STRADA: variants seen among roughly 807,000 people sequenced by gnomAD.
The protein encoded by STRADA is STE20-related kinase adapter protein alpha.
A neutral mutation model predicts 55.0 loss-of-function variants in STRADA; 26 were observed. The ratio of observed to expected loss-of-function variants is 0.47; its 90% CI spans 0.35 to 0.66. STRADA has a LOEUF of 0.66. Ranked by LOEUF, STRADA falls within the 30% of genes least tolerant of loss-of-function variation. The probability of loss-of-function intolerance (pLI) is 0.01; values close to 1 mark genes in which losing one functional copy is unlikely to be tolerated. For synonymous variants in STRADA, 197 were observed against 210.9 expected (o/e 0.93, Z 0.57); for missense variants, 443 against 549.7 (o/e 0.81, Z 1.94).
chr17:63,731,668 G>A (rs2038065804), intron 1 of STRADA, among the ~76,000 whole-genome samples: 1 of 152,036 alleles, frequency 6.6e-6, no homozygotes, highest in South Asian at 2.1e-4. Context: ...AACATGATTA[G>A]AATGCATATT....
At chr17:63,704,309 C>A (rs1461900230) in intron 11 of STRADA, 32 bp downstream of exon 11, 1 of 1,609,302 alleles carries the variant, frequency 6.2e-7, no homozygotes, top group South Asian at 1.1e-5. Context: ...CCTCTGCTCT[C>A]CCGAAGCCCA....
rs201788114 is a variant in STRADA, at chr17:63,739,432, T to C, written c.-45+2309A>G. 8.5e-5 allele frequency among the ~76,000 whole-genome samples: 13 copies of C among 152,118 alleles called. No individual in the cohort carries two copies. In the East Asian group the frequency reaches 2.3e-3, roughly 27 times the overall value. ...GTCTCAAACTCCTGAACTCAAGCAA[T>C]CCTCCTGCATCAGCCTCCCAAAGTG... On this transcript the variant is annotated intron_variant, in intron 1 of 12. Transcript: ENST00000336174.
At position 63,732,122 on chromosome 17, in the gene STRADA, C is replaced by A. The variant is rs570382717; in HGVS notation, c.-44-3709G>T. 4.6e-5 allele frequency among the ~76,000 whole-genome samples: 7 copies of A among 152,278 alleles called. 1 individual carries two copies. The East Asian group carries it at 1.4e-3, about 29-fold the overall frequency. On this transcript the variant is annotated intron_variant, in intron 1 of 12. Coordinates refer to ENST00000336174, the MANE Select transcript of STRADA (RefSeq NM_001003787.4). ...TGACCTTGTGATCCACCCGCCTCGG[C>A]CTCCCAAAGTGCCGGGATTACAGGC...
chr17:63,728,463 G>A (rs767094736), intron 1 of STRADA, 50 bp from the exon 2 acceptor site: 1 of 1,056,224 alleles, frequency 9.5e-7, no homozygotes, highest in African/African-American at 1.6e-5. Flanking sequence ...TCCTTATAGA[G>A]AAATATCTTC....
At chr17:63,734,907 C>T (rs2038308325) in intron 1 of STRADA, among the ~76,000 whole-genome samples, 1 of 152,074 alleles carries the variant, frequency 6.6e-6, no homozygotes, top group East Asian at 1.9e-4. Flanking sequence ...CCTGTAATCC[C>T]AACATTTTGG....
At chr17:63,706,435 G>C in intron 10 of STRADA, 200 bp downstream of exon 10, 1 of 536,902 alleles carries the variant, frequency 1.9e-6, no homozygotes, top group Non-Finnish European at 3.3e-6. Flanking sequence ...CCCCAAGCTG[G>C]CCTCCCTTAC....
chr17:63,707,724 TA>T (rs767759587), intron 8 of STRADA, among the ~76,000 whole-genome samples: 13 of 151,012 alleles, frequency 8.6e-5, no homozygotes, highest in African/African-American at 2.7e-4. Context: ...CACACCCAGC[TA>T]ATTTTTTTTT....
chr17:63,709,762 A>C (rs766510594), intron 8 of STRADA, among the ~76,000 whole-genome samples: 1 of 152,192 alleles, frequency 6.6e-6, no homozygotes, highest in African/African-American at 2.4e-5. Context: ...GTAGGGGTCC[A>C]GTTTTACCAT....
intron 1 of STRADA, among the ~76,000 whole-genome samples, chr17:63,736,296 G>A (rs2038417361): frequency 6.6e-6 from 1 of 151,974 alleles, no homozygotes; most frequent in Admixed American, 6.6e-5. Flanking sequence ...CCAGTAAAAT[G>A]AGGCTAAAAT....
In STRADA at chr17:63,707,430, G is replaced by T; in HGVS notation, c.582-12C>A. Reference sequence around the variant, plus strand: ...TGGCTTTGACACTCCTGGGGAAGCGGGGAGGGTGTCATGTCGAGAGCAGGA... The same window carrying T: ...TGGCTTTGACACTCCTGGGGAAGCGTGGAGGGTGTCATGTCGAGAGCAGGA... On this transcript the variant is annotated splice_polypyrimidine_tract_variant and intron_variant, in intron 8 of 12. Transcript: ENST00000336174. 1 of 1,610,936 alleles carries T rather than the reference G, an allele frequency of 6.2e-7. No homozygotes were observed.
Position 63,704,526 on chromosome 17 carries a change from G to A in STRADA, c.915C>T (p.Ile305=). The A allele has an allele frequency of 2.5e-6, 4 of 1,599,372 alleles. No homozygotes were observed. Among genetic ancestry groups the A allele is most frequent in the Non-Finnish European group, 3.4e-6 (4 of 1,172,066 alleles). The change falls in exon 11 of 13, where the codon ATC becomes ATT. Residue 305 remains isoleucine (I), a synonymous_variant. Transcript: ENST00000336174. ...TVPCLLDTST[I]PAEELTMSPS... ...GGCTCATGGTCAGCTCCTCAGCGGG[G>A]ATGGTGCTGGTATCCAACAGGCAGG...
chr17:63,732,090 G>A (rs920818680), intron 1 of STRADA, among the ~76,000 whole-genome samples: 14 of 152,002 alleles, frequency 9.2e-5, no homozygotes, highest in African/African-American at 3.1e-4. Flanking sequence ...GGATGGTCTC[G>A]ATCTCCTGAC....
chr17:63,712,220 G>A (rs923936486), intron 6 of STRADA, among the ~76,000 whole-genome samples: 10 of 152,164 alleles, frequency 6.6e-5, no homozygotes, highest in Non-Finnish European at 1.0e-4. Context: ...GTCTCTCTCC[G>A]TTTTGTTTTG....
chr17:63,713,261 A>G (rs1402814413), intron 6 of STRADA, 145 bp downstream of exon 6: 3 of 1,048,550 alleles, frequency 2.9e-6, no homozygotes, highest in East Asian at 5.2e-5. Flanking sequence ...CCCAATCCTT[A>G]GTGCCAAATG....
chr17:63,713,012 AAAAG>A (rs2036609742), intron 6 of STRADA, among the ~76,000 whole-genome samples: 3 of 151,326 alleles, frequency 2.0e-5, no homozygotes. Flanking sequence ...AAAAAAAAAA[AAAAG>A]AAAAGAAAAA....
chr17:63,730,588 G>C (rs2037967811), intron 1 of STRADA, among the ~76,000 whole-genome samples: 1 of 151,690 alleles, frequency 6.6e-6, no homozygotes, highest in African/African-American at 2.4e-5. Context: ...GACGGGCTTT[G>C]CATTGTTGCC....
chr17:63,708,239 G>A (rs781593617), intron 8 of STRADA, among the ~76,000 whole-genome samples: 6 of 151,514 alleles, frequency 4.0e-5, no homozygotes, highest in East Asian at 3.9e-4. Context: ...TCACTCTGTC[G>A]CCCAGGCTGG....
At chr17:63,710,912 G>T in intron 6 of STRADA, 76 bp from the exon 7 acceptor site, 1 of 1,310,352 alleles carries the variant, frequency 7.6e-7, no homozygotes, top group Non-Finnish European at 1.1e-6. Context: ...ATGGCAGCAT[G>T]GACAATAGGG....
chr17:63,735,240 G>T (rs1168756906), intron 1 of STRADA, among the ~76,000 whole-genome samples: 1 of 152,182 alleles, frequency 6.6e-6, no homozygotes, highest in African/African-American at 2.4e-5. Flanking sequence ...ATGGCTAAAG[G>T]CTCATTAAGA....
Sources: allele counts gnomAD v4.1 joint callset (sites outside exome capture counted in the v4.1 genomes callset), GRCh38; gene constraint gnomAD v4.1.1; transcripts MANE v1.5; gene names NCBI Gene and HGNC (gene_info 2026-07-23, HGNC 2026-07-21).